Variants in HS6ST3 observed in about 807,000 individuals in gnomAD.
HS6ST3 encodes the protein heparan sulfate 6-O-sulfotransferase 3.
In HS6ST3, 12 loss-of-function variants were observed where a neutral mutation model predicts 36.7. The ratio of observed to expected loss-of-function variants is 0.33; its 90% confidence interval spans 0.21 to 0.53. The LOEUF is 0.53. Among genes scored for constraint, HS6ST3 ranks in the 20% least tolerant of loss-of-function variants. The pLI is 0.95. For missense variants in HS6ST3, 584 were observed against 640.9 expected (o/e 0.91, Z 0.96); for synonymous variants, 240 against 257.5 (o/e 0.93, Z 0.65).
intron 1 of HS6ST3, among the ~76,000 whole-genome samples, chr13:96,118,954 C>T (rs561012559): frequency 6.6e-6 from 1 of 150,998 alleles, no homozygotes; most frequent in South Asian, 2.1e-4. Context: ...TCATGATCCA[C>T]CCGCCTCGGC....
chr13:96,695,611 T>C (rs1425299107), intron 1 of HS6ST3, among the ~76,000 whole-genome samples: 5 of 116,628 alleles, frequency 4.3e-5, no homozygotes, highest in Admixed American at 9.9e-5. Flanking sequence ...TTTTTTTTTT[T>C]TTTCTTTTAC....
At position 96,303,995 on chromosome 13, in the gene HS6ST3, T is replaced by G. The variant is rs534051472; in HGVS notation, c.707+212426T>G. 1.1e-4 allele frequency among the ~76,000 whole-genome samples: 17 copies of G among 152,092 alleles called. No individual in the cohort carries two copies. The South Asian group carries it at 3.3e-3, about 30-fold the overall frequency. On this transcript the variant is annotated intron_variant, in intron 1 of 1. Coordinates refer to ENST00000376705, the MANE Select transcript of HS6ST3 (RefSeq NM_153456.4). ...CCATCTTTACTAAAAATACAAAAAT[T>G]AGCCAGGTGTGATGGTGTGCACCTG...
At chr13:96,172,464 T>C (rs2054192904) in intron 1 of HS6ST3, among the ~76,000 whole-genome samples, 1 of 152,182 alleles carries the variant, frequency 6.6e-6, no homozygotes, top group African/African-American at 2.4e-5. Flanking sequence ...CCACTTAGCA[T>C]TGGGTCCTCT....
intron 1 of HS6ST3, among the ~76,000 whole-genome samples, chr13:96,821,680 C>T (rs1157684759): frequency 6.6e-6 from 1 of 152,090 alleles, no homozygotes; most frequent in Non-Finnish European, 1.5e-5. Flanking sequence ...GAGGAGATGA[C>T]CTCAGAGACA....
chr13:96,814,578 T>C (rs1339272919), intron 1 of HS6ST3, among the ~76,000 whole-genome samples: 4 of 152,144 alleles, frequency 2.6e-5, no homozygotes, highest in Non-Finnish European at 4.4e-5. Flanking sequence ...TAATTTTACT[T>C]TTATTATTTC....
intron 1 of HS6ST3, among the ~76,000 whole-genome samples, chr13:96,369,363 CAG>C (rs2055278503): frequency 1.3e-5 from 2 of 152,090 alleles, no homozygotes; most frequent in African/African-American, 4.8e-5. Flanking sequence ...CCTCTTTCCT[CAG>C]TTTTCTGCTT....
intron 1 of HS6ST3, among the ~76,000 whole-genome samples, chr13:96,278,868 T>C (rs1930221): frequency 0.55 from 84,245 of 151,944 alleles, 24,157 homozygotes; most frequent in African/African-American, 0.7. Flanking sequence ...ATTTTCAATA[T>C]CTTTTAAGAA....
chr13:96,384,228 A>G (rs1594768201), intron 1 of HS6ST3, among the ~76,000 whole-genome samples: 1 of 152,290 alleles, frequency 6.6e-6, no homozygotes, highest in Non-Finnish European at 1.5e-5. Flanking sequence ...CTGACCACAT[A>G]TAAAATCACA....
chr13:96,642,321 A>G (rs750306999), intron 1 of HS6ST3, among the ~76,000 whole-genome samples: 3 of 151,772 alleles, frequency 2.0e-5, no homozygotes, highest in Admixed American at 2.0e-4. Flanking sequence ...GTTCATCACT[A>G]TCCTTGACTT....
chr13:96,344,297 C>A (rs1304115442), intron 1 of HS6ST3, among the ~76,000 whole-genome samples: 1 of 152,130 alleles, frequency 6.6e-6, no homozygotes, highest in Admixed American at 6.5e-5. Flanking sequence ...TCATAAATTT[C>A]ACTTATGACT....
rs535239309 is a variant in HS6ST3, at chr13:96,698,653, A to G, written c.708-133837A>G. Reference sequence around the variant, plus strand: ...CATTCCATGCTCATGGATAGGAAGAATCAATATCGTGAAAATGGCCATACT... The same window carrying G: ...CATTCCATGCTCATGGATAGGAAGAGTCAATATCGTGAAAATGGCCATACT... On this transcript the variant is annotated intron_variant, in intron 1 of 1. Transcript: ENST00000376705. Among the ~76,000 whole-genome samples, 4 of 152,338 alleles carry G rather than the reference A, an allele frequency of 2.6e-5. No homozygotes were observed. The South Asian group carries it at 8.3e-4, about 32-fold the overall frequency.
At chr13:96,447,419 A>G (rs962560600) in intron 1 of HS6ST3, among the ~76,000 whole-genome samples, 4 of 152,198 alleles carry the variant, frequency 2.6e-5, no homozygotes, top group African/African-American at 9.7e-5. Context: ...TTTTCGGCAG[A>G]TAGTTAGGAA....
At chr13:96,530,018 T>A (rs1055367992) in intron 1 of HS6ST3, among the ~76,000 whole-genome samples, 7 of 152,208 alleles carry the variant, frequency 4.6e-5, no homozygotes, top group Non-Finnish European at 7.3e-5. Context: ...GATCTTCAAG[T>A]TCTATGATTA....
intron 1 of HS6ST3, among the ~76,000 whole-genome samples, chr13:96,699,914 T>C (rs1003159839): frequency 2.6e-4 from 40 of 152,216 alleles, no homozygotes; most frequent in Non-Finnish European, 4.7e-4. Flanking sequence ...CACATATTGC[T>C]GAATCAGTGC....
intron 1 of HS6ST3, among the ~76,000 whole-genome samples, chr13:96,831,608 A>C (rs2138549692): frequency 6.6e-6 from 1 of 152,188 alleles, no homozygotes; most frequent in East Asian, 1.9e-4. Flanking sequence ...TCCACACCCA[A>C]CGCATCCTTC....
chr13:96,651,346 T>A lies in HS6ST3; in HGVS notation c.708-181144T>A, dbSNP rs1454660842. On this transcript the variant is annotated intron_variant, in intron 1 of 1. Coordinates refer to ENST00000376705, the MANE Select transcript of HS6ST3 (RefSeq NM_153456.4). ...AGAAACTGTATTTATCTTTCAGGAG[T>A]TAGTTAAAATGCCTTCTATCCAGCA... is the stretch of plus-strand genomic sequence containing the variant. Among the ~76,000 whole-genome samples, 5 of 152,002 alleles carry A rather than the reference T, an allele frequency of 3.3e-5. No individual in the cohort carries two copies. In the South Asian group the frequency reaches 8.3e-4, roughly 25 times the overall value.
At chr13:96,399,634 G>T (rs905768572) in intron 1 of HS6ST3, among the ~76,000 whole-genome samples, 1 of 152,234 alleles carries the variant, frequency 6.6e-6, no homozygotes, top group African/African-American at 2.4e-5. Flanking sequence ...CTGTGCCAGA[G>T]GGCTGCCCAT....
At chr13:96,477,809 G>T (rs2055871333) in intron 1 of HS6ST3, among the ~76,000 whole-genome samples, 1 of 152,130 alleles carries the variant, frequency 6.6e-6, no homozygotes, top group Non-Finnish European at 1.5e-5. Flanking sequence ...GGCAAAGGTT[G>T]CAGTGAGCCG....
Position 96,689,530 on chromosome 13 carries a change from T to G in HS6ST3, c.708-142960T>G, listed in dbSNP as rs72643900. 4.0e-3 allele frequency among the ~76,000 whole-genome samples: 603 copies of G among 150,330 alleles called. 6 individuals are homozygous for G. The highest frequency in any genetic ancestry group is 7.4e-3 in the Admixed American group (110 of 14,962). On this transcript the variant is annotated intron_variant, in intron 1 of 1. Coordinates refer to ENST00000376705, the MANE Select transcript of HS6ST3 (RefSeq NM_153456.4). ...TCATGGCTTATGCTTAATAAGAGGGTCCCCCAAAATGTGTTAATTGGTTGC... is the reference window on the plus strand; with the variant it reads ...TCATGGCTTATGCTTAATAAGAGGGGCCCCCAAAATGTGTTAATTGGTTGC...
Sources: gnomAD v4.1 joint callset for allele counts (sites outside exome capture counted in the v4.1 genomes callset) on GRCh38, gnomAD v4.1.1 for gene constraint, MANE v1.5 for transcripts, NCBI Gene and HGNC (gene_info 2026-07-23, HGNC 2026-07-21) for gene names.